USP10: variants seen among roughly 807,000 people sequenced by gnomAD.
USP10 encodes ubiquitin specific peptidase 10.
USP10 carries 22 observed loss-of-function variants against 84.5 expected under a neutral mutation model. That is an observed-to-expected ratio of 0.26 (90% CI 0.19 to 0.37). The LOEUF (loss-of-function observed/expected upper bound fraction) is 0.37, where lower values mean the gene tolerates loss of function less well. Ranked by LOEUF, USP10 falls within the 10% of genes least tolerant of loss-of-function variation. The pLI, the probability that USP10 is intolerant of heterozygous loss-of-function variation, is 1.00. For synonymous variants in USP10, 454 were observed against 387.6 expected (o/e 1.17, Z -2.01); for missense variants, 1,019 against 998.9 (o/e 1.02, Z -0.27).
intron 1 of USP10, among the ~76,000 whole-genome samples, chr16:84,717,791 T>G (rs1028704376): frequency 5.3e-5 from 8 of 152,186 alleles, no homozygotes; most frequent in Non-Finnish European, 8.8e-5. Context: ...TTCATTGAGG[T>G]CCTAGTCTCT....
intron 13 of USP10, among the ~76,000 whole-genome samples, chr16:84,775,994 C>A (rs536187619): frequency 6.6e-6 from 1 of 152,180 alleles, no homozygotes. Flanking sequence ...CTGTGTCTTC[C>A]CTCCTCTGGT....
At position 84,740,347 on chromosome 16, in the gene USP10, G is replaced by T; in HGVS notation, c.129G>T (p.Gln43His). The T allele has an allele frequency of 6.2e-7, 1 of 1,613,070 alleles. No individual in the cohort carries two copies. Among genetic ancestry groups the T allele is most frequent in the Non-Finnish European group, 8.5e-7 (1 of 1,179,320 alleles). ...GTGGAACAGTTCTGTGTGGCACACA[G>T]GCTGTGGATAAACTACCTGATGGTA... Reference protein sequence around the residue: ...PYSGTVLCGTQAVDKLPDGQE... With the variant: ...PYSGTVLCGTHAVDKLPDGQE... Residue 43 changes from glutamine to histidine, a missense_variant, in exon 3 of 14, where the codon CAG becomes CAT. Physicochemically the swap from Gln to His is conservative, Grantham distance 24. This residue lies in a region of USP10 where 787 missense variants were observed against 708.8 expected (regional missense o/e 1.11). Transcript: ENST00000219473.
At chr16:84,771,702 T>G (rs1030868632) in intron 11 of USP10, among the ~76,000 whole-genome samples, 13 of 151,912 alleles carry the variant, frequency 8.6e-5, no homozygotes, top group Non-Finnish European at 4.4e-5. Flanking sequence ...AACCCCTTCT[T>G]TACTAAAAAT....
intron 1 of USP10, among the ~76,000 whole-genome samples, chr16:84,701,797 T>C (rs1904890844): frequency 6.6e-6 from 1 of 152,200 alleles, no homozygotes. Flanking sequence ...TTTAGAAAAT[T>C]GGAGTAGCAA....
Position 84,759,460 on chromosome 16 carries a change from T to C in USP10, c.1382T>C (p.Met461Thr), listed in dbSNP as rs1912947002. The C allele has an allele frequency of 1.2e-6, 2 of 1,613,824 alleles. No homozygotes were observed. The highest frequency in any genetic ancestry group is 4.5e-5 in the East Asian group (2 of 44,884). ...CAAAGGCCTTGTACGTCAACACCCA[T>C]GATAGACAGCTTGTAAGTAAGGTGG... is the stretch of plus-strand genomic sequence containing the variant. ...KVQRPCTSTP[M>T]IDSFVRLMNE... The change falls in exon 6 of 14, where the codon ATG (methionine) becomes ACG (threonine). Residue 461 changes from methionine (M) to threonine (T), a missense_variant. Met to Thr is a moderately conservative substitution (Grantham distance 81). Coordinates refer to ENST00000219473, the MANE Select transcript of USP10 (RefSeq NM_005153.3).
At chr16:84,727,706 A>G (rs950903421) in intron 1 of USP10, among the ~76,000 whole-genome samples, 4 of 152,224 alleles carry the variant, frequency 2.6e-5, no homozygotes, top group East Asian at 1.9e-4. Flanking sequence ...ATGCAAATAT[A>G]CAGACATACA....
intron 11 of USP10, among the ~76,000 whole-genome samples, chr16:84,769,824 G>C (rs777207737): frequency 6.6e-6 from 1 of 152,162 alleles, no homozygotes; most frequent in Non-Finnish European, 1.5e-5. Context: ...GACTTTGCTG[G>C]GGTGGGCTGG....
rs1323317472 is a variant in USP10 at position 84,758,760 on chromosome 16, C to G, written c.1237C>G (p.Gln413Glu). ...VTLIHKPVSL[Q>E]PRGLINKGNW... ...CCTAATCCATAAACCAGTGTCGTTG[C>G]AACCCCGTGGGCTGATCAATAAAGG... The change falls in exon 5 of 14, where the codon CAA becomes GAA. Residue 413 changes from glutamine to glutamate, a missense_variant. Coordinates refer to ENST00000219473, the MANE Select transcript of USP10 (RefSeq NM_005153.3). The G allele has an allele frequency of 1.9e-6, 3 of 1,613,928 alleles. No homozygotes were observed. The highest frequency in any genetic ancestry group is 1.3e-5 in the African/African-American group (1 of 75,054).
chr16:84,744,835 A>G lies in USP10; in HGVS notation c.354A>G (p.Pro118=). ...ASYGSIDCQY[P]GSALALDGSS... is the part of the protein sequence containing the mutation. ...ATGGCTCCATCGACTGCCAGTACCCAGGCTCTGCCCTCGCTTTGGATGGAA... is the reference window on the plus strand; with the variant it reads ...ATGGCTCCATCGACTGCCAGTACCCGGGCTCTGCCCTCGCTTTGGATGGAA... The change falls in exon 4 of 14, where the codon CCA becomes CCG. Residue 118 remains proline (P), a synonymous_variant. Coordinates refer to ENST00000219473, the MANE Select transcript of USP10 (RefSeq NM_005153.3). 1 of 1,613,798 alleles carries G rather than the reference A, an allele frequency of 6.2e-7. No homozygotes were observed. Among genetic ancestry groups the G allele is most frequent in the African/African-American group, 1.3e-5 (1 of 75,044 alleles).
chr16:84,718,529 C>A (rs368552280), intron 1 of USP10, among the ~76,000 whole-genome samples: 1 of 152,170 alleles, frequency 6.6e-6, no homozygotes, highest in East Asian at 1.9e-4. Flanking sequence ...GAGGCCAAGG[C>A]GGGTGGATCA....
chr16:84,745,479 C>G lies in USP10; in HGVS notation c.998C>G (p.Thr333Ser), dbSNP rs767943187. The G allele has an allele frequency of 1.9e-6, 3 of 1,613,566 alleles. No homozygotes were observed. In the Admixed American group the frequency reaches 5.0e-5, roughly 27 times the overall value. Residue 333 changes from threonine to serine, a missense_variant, in exon 4 of 14, where the codon ACC becomes AGC. Thr to Ser is a moderately conservative substitution (Grantham distance 58). This residue lies in a region of USP10 where 787 missense variants were observed against 708.8 expected (regional missense o/e 1.11). Coordinates refer to ENST00000219473, the MANE Select transcript of USP10 (RefSeq NM_005153.3). ...GACGGCACGGGCTCTGCATCAGGCA[C>G]CCTTCCTGTCAGCCAGCCCAAGTCC... ...PADGTGSASG[T>S]LPVSQPKSWA...
chr16:84,745,712 A>T (rs1241771567), intron 4 of USP10, 39 bp downstream of exon 4: 1 of 1,555,550 alleles, frequency 6.4e-7, no homozygotes, highest in Non-Finnish European at 8.7e-7. Flanking sequence ...TGAAGATGGG[A>T]GCAGACCTCA....
At chr16:84,707,765 A>AT (rs72416398) in intron 1 of USP10, among the ~76,000 whole-genome samples, 13 of 149,908 alleles carry the variant, frequency 8.7e-5, no homozygotes, top group Admixed American at 1.3e-4. Context: ...TGTCCAAACA[A>AT]TTTTTTTTTT....
intron 1 of USP10, among the ~76,000 whole-genome samples, chr16:84,715,139 G>A (rs1421666003): frequency 6.6e-6 from 1 of 151,802 alleles, no homozygotes; most frequent in Non-Finnish European, 1.5e-5. Flanking sequence ...CATATTGGCC[G>A]GTCTGGTCTC....
rs769414950 is a variant in USP10, at chr16:84,733,544, C to G, written c.90+41C>G. The G allele has an allele frequency of 1.7e-5, 23 of 1,346,706 alleles. No homozygotes were observed. In the South Asian group the frequency reaches 2.8e-4, roughly 16 times the overall value. The allele number at this position is 1,346,706 out of a possible 1,614,324, so 83.4% of individuals were successfully genotyped here. A position where few individuals can be genotyped will look rare whatever the true frequency, so the allele number is the denominator to read the frequency against. ...GTTTTAGTGAGTCCGTGGGTAGATACAATTAATAGTTATGTTTCTATTTTA... is the reference window on the plus strand; with the variant it reads ...GTTTTAGTGAGTCCGTGGGTAGATAGAATTAATAGTTATGTTTCTATTTTA... On this transcript the variant is annotated intron_variant, in intron 2 of 13. Coordinates refer to ENST00000219473, the MANE Select transcript of USP10 (RefSeq NM_005153.3).
At chr16:84,732,612 A>G (rs1909388094) in intron 1 of USP10, 3 of 302,784 alleles carry the variant, frequency 9.9e-6, no homozygotes, top group Non-Finnish European at 1.9e-5. Context: ...ACGCCTGGCT[A>G]ATTTTTGTAT....
At position 84,772,790 on chromosome 16, in the gene USP10, C is replaced by A; in HGVS notation, c.2143+105C>A. ...ATGATGTCAAGAGTGAGGACATTCT[C>A]TTGCTGGACGTGGACTTGTTTTAAG... On this transcript the variant is annotated intron_variant, in intron 12 of 13. Transcript: ENST00000219473. 5 of 1,419,928 alleles carry A rather than the reference C, an allele frequency of 3.5e-6. No individual in the cohort carries two copies. The South Asian group carries it at 6.8e-5, about 19-fold the overall frequency. The allele number at this position is 1,419,928 out of a possible 1,614,324, so 88.0% of individuals were successfully genotyped here. A position where few individuals can be genotyped will look rare whatever the true frequency, so the allele number is the denominator to read the frequency against.
At chr16:84,747,181 C>T (rs991404441) in intron 4 of USP10, among the ~76,000 whole-genome samples, 1 of 152,178 alleles carries the variant, frequency 6.6e-6, no homozygotes, top group East Asian at 1.9e-4. Context: ...TTCCACCAAG[C>T]CTGGTGACCA....
intron 4 of USP10, among the ~76,000 whole-genome samples, chr16:84,757,174 G>A (rs576777409): frequency 6.6e-6 from 1 of 152,122 alleles, no homozygotes; most frequent in South Asian, 2.1e-4. Flanking sequence ...CAGGCTTGGG[G>A]TTCAGTTCGT....
Sources: gnomAD v4.1 joint callset for allele counts (sites outside exome capture counted in the v4.1 genomes callset) on GRCh38, gnomAD v4.1.1 for gene constraint, gnomAD v4.1.1 regional missense constraint, MANE v1.5 for transcripts, NCBI Gene and HGNC (gene_info 2026-07-23, HGNC 2026-07-21) for gene names.